EDIL3: variants seen among roughly 807,000 people sequenced by gnomAD.
EDIL3 encodes the protein EGF-like repeat and discoidin I-like domain-containing protein 3.
Under a neutral mutation model 67.4 loss-of-function variants are expected in EDIL3, and 37 were observed. The ratio of observed to expected loss-of-function variants is 0.55; its 90% CI spans 0.42 to 0.72. The LOEUF (loss-of-function observed/expected upper bound fraction) is 0.72. Among genes scored for constraint, EDIL3 ranks in the 30% least tolerant of loss-of-function variants. The pLI, the probability that EDIL3 is intolerant of heterozygous loss-of-function variation, is 0.00. For missense variants in EDIL3, 527 were observed against 586.3 expected, an observed-to-expected ratio of 0.90 and a Z score of 1.04; for synonymous variants, 195 against 196.3, an observed-to-expected ratio of 0.99 and a Z score of 0.05.
chr5:83,979,532 T>C (rs1226180182), intron 9 of EDIL3, among the ~76,000 whole-genome samples: 1 of 152,070 alleles, frequency 6.6e-6, no homozygotes, highest in Non-Finnish European at 1.5e-5. Context: ...GATAACTAAA[T>C]GGGATTAAAA....
intron 5 of EDIL3, among the ~76,000 whole-genome samples, chr5:84,128,004 G>A (rs1747896781): frequency 6.6e-6 from 1 of 152,084 alleles, no homozygotes; most frequent in African/African-American, 2.4e-5. Context: ...AGGTTGCTGT[G>A]CCCTCATTCT....
At chr5:84,068,131 C>A (rs976787694) in intron 6 of EDIL3, among the ~76,000 whole-genome samples, 2 of 152,142 alleles carry the variant, frequency 1.3e-5, no homozygotes, top group African/African-American at 4.8e-5. Flanking sequence ...AACTATGCAA[C>A]TTGAAAGAGG....
chr5:84,079,036 T>C (rs1454206647), intron 6 of EDIL3, among the ~76,000 whole-genome samples: 2 of 152,092 alleles, frequency 1.3e-5, no homozygotes. Context: ...TACTGGCCAA[T>C]GATTTCATCA....
intron 5 of EDIL3, among the ~76,000 whole-genome samples, chr5:84,125,927 T>TG (rs1747862992): frequency 6.6e-6 from 1 of 151,960 alleles, no homozygotes; most frequent in African/African-American, 2.4e-5. Context: ...GAAGGGGATG[T>TG]GGGGGTGAAC....
intron 9 of EDIL3, among the ~76,000 whole-genome samples, chr5:83,974,110 G>C (rs1179616285): frequency 1.3e-5 from 2 of 151,860 alleles, no homozygotes; most frequent in African/African-American, 4.8e-5. Flanking sequence ...CAGACCATGT[G>C]AGCCTGAATT....
chr5:84,275,338 AGAACAT>A (rs1384992626), intron 1 of EDIL3, among the ~76,000 whole-genome samples: 1 of 152,238 alleles, frequency 6.6e-6, no homozygotes, highest in Non-Finnish European at 1.5e-5. Context: ...ATCATATAGT[AGAACAT>A]GATTATTGTC....
At chr5:84,262,700 CT>C (rs1745258448) in intron 1 of EDIL3, among the ~76,000 whole-genome samples, 1 of 41,242 alleles carries the variant, frequency 2.4e-5, no homozygotes, top group Admixed American at 4.4e-4. Context: ...GAGATGAAGT[CT>C]CACTCTGTCA....
intron 9 of EDIL3, among the ~76,000 whole-genome samples, chr5:84,000,888 T>A (rs1745319170): frequency 6.6e-6 from 1 of 151,392 alleles, no homozygotes; most frequent in South Asian, 2.1e-4. Flanking sequence ...AATAAATAAA[T>A]AAATTTTATT....
intron 1 of EDIL3, among the ~76,000 whole-genome samples, chr5:84,293,777 CTG>C (rs1745975787): frequency 6.7e-6 from 1 of 149,264 alleles, no homozygotes; most frequent in Non-Finnish European, 1.5e-5. Flanking sequence ...TGGATTAAGA[CTG>C]TTTTTTTTTT....
intron 4 of EDIL3, among the ~76,000 whole-genome samples, chr5:84,170,811 TACAG>T (rs1748799010): frequency 6.6e-6 from 1 of 152,112 alleles, no homozygotes; most frequent in African/African-American, 2.4e-5. Context: ...TTTATTTATT[TACAG>T]ACAGAGTCTT....
At chr5:84,147,652 G>A (rs888569592) in intron 4 of EDIL3, among the ~76,000 whole-genome samples, 2 of 151,668 alleles carry the variant, frequency 1.3e-5, no homozygotes, top group Non-Finnish European at 2.9e-5. Flanking sequence ...TACCAAGTGG[G>A]GCTTTTAAGG....
intron 3 of EDIL3, among the ~76,000 whole-genome samples, chr5:84,187,208 T>G (rs1028266006): frequency 6.6e-6 from 1 of 152,106 alleles, no homozygotes; most frequent in Admixed American, 6.6e-5. Flanking sequence ...GCATTTTTTA[T>G]GCAAGCTCAT....
chr5:84,108,438 A>G (rs1275847507), intron 5 of EDIL3, among the ~76,000 whole-genome samples: 1 of 152,126 alleles, frequency 6.6e-6, no homozygotes, highest in Non-Finnish European at 1.5e-5. Context: ...TTAACATGTA[A>G]TTAGGACTGC....
In EDIL3 at chr5:84,180,414, T is replaced by C. The variant is rs771424084; in HGVS notation, c.334A>G (p.Asn112Asp). 6.2e-7 allele frequency: 1 copy of C among 1,601,006 alleles called. No homozygotes were observed. The highest frequency in any genetic ancestry group is 8.5e-7 in the Non-Finnish European group (1 of 1,174,842). The change falls in exon 4 of 11, where the codon AAT becomes GAT. Residue 112 changes from asparagine to aspartate, a missense_variant. Physicochemically the swap from Asn to Asp is conservative, Grantham distance 23 (BLOSUM62 1). Transcript: ENST00000296591. ...TTACTGTGCTGACAGTGAATCCCAT[T>C]AAATCCTCGGGGACATTTACAAACA... ...GYVCKCPRGFNGIHCQHNINE... is the reference protein window; with the variant it reads ...GYVCKCPRGFDGIHCQHNINE...
At chr5:84,162,121 G>T (rs1748622877) in intron 4 of EDIL3, among the ~76,000 whole-genome samples, 1 of 152,058 alleles carries the variant, frequency 6.6e-6, no homozygotes. Flanking sequence ...TATGGAGAAG[G>T]GGCTCACATG....
intron 9 of EDIL3, among the ~76,000 whole-genome samples, chr5:84,009,296 G>A (rs982630973): frequency 1.3e-5 from 2 of 152,128 alleles, no homozygotes; most frequent in Admixed American, 6.6e-5. Flanking sequence ...TCAAAACTGC[G>A]AAATTGTGGA....
intron 6 of EDIL3, among the ~76,000 whole-genome samples, chr5:84,067,823 T>C (rs1746670847): frequency 6.6e-6 from 1 of 152,194 alleles, no homozygotes; most frequent in South Asian, 2.1e-4. Context: ...CTTGTTCATA[T>C]ATAAAGAAAA....
intron 4 of EDIL3, among the ~76,000 whole-genome samples, chr5:84,165,345 G>A (rs888324920): frequency 1.3e-5 from 2 of 152,058 alleles, no homozygotes; most frequent in Non-Finnish European, 2.9e-5. Flanking sequence ...GTTCAGGAAA[G>A]GTCACATATT....
intron 3 of EDIL3, among the ~76,000 whole-genome samples, chr5:84,207,979 A>T (rs1237819109): frequency 6.6e-6 from 1 of 152,142 alleles, no homozygotes; most frequent in Non-Finnish European, 1.5e-5. Flanking sequence ...TTCAGGACAT[A>T]GGCATGGGCA....
Sources: gnomAD v4.1 joint callset for allele counts (sites outside exome capture counted in the v4.1 genomes callset) on GRCh38, gnomAD v4.1.1 for gene constraint, MANE v1.5 for transcripts, NCBI Gene and HGNC (gene_info 2026-07-23, HGNC 2026-07-21) for gene names.